GRIP2: variants seen among roughly 807,000 people sequenced by gnomAD.
GRIP2 encodes the protein glutamate receptor interacting protein 2, also known as glutamate receptor-interacting protein 2.
A neutral mutation model predicts 108.3 loss-of-function variants in GRIP2; 58 were observed. That is an observed-to-expected ratio of 0.54 (90% CI 0.43 to 0.67). The LOEUF (loss-of-function observed/expected upper bound fraction) is 0.67. GRIP2 is among the 30% of genes least tolerant of loss of function. The probability of loss-of-function intolerance (pLI) is 0.00; values close to 1 mark genes in which losing one functional copy is unlikely to be tolerated. For missense variants in GRIP2, 1,278 were observed against 1,430.6 expected (o/e 0.89, Z 1.72); for synonymous variants, 586 against 598.2 (o/e 0.98, Z 0.30).
At chr3:14,516,952 C>G (rs111893013) in intron 11 of GRIP2, 112 bp downstream of exon 11, 2 of 1,049,434 alleles carry the variant, frequency 1.9e-6, no homozygotes, top group South Asian at 2.6e-5. Flanking sequence ...CCCACGCATA[C>G]ACCTGGAGCT....
Position 14,505,381 on chromosome 3 carries a change from G to A in GRIP2, c.2573+234C>T, listed in dbSNP as rs1054551227. 6.6e-6 allele frequency among the ~76,000 whole-genome samples: 1 copy of A among 152,094 alleles called. No individual in the cohort carries two copies. Among genetic ancestry groups the A allele is most frequent in the African/African-American group, 2.4e-5 (1 of 41,396 alleles). ...GACCAAAGTTGGGAAGGGCAAACCA[G>A]GCTGCTCTCCACCTCTATACCTTCG... is the stretch of plus-strand genomic sequence containing the variant. On this transcript the variant is annotated intron_variant, in intron 20 of 23. Transcript: ENST00000621039. The surrounding 1 kb of genome is among the most constrained non-coding windows in gnomAD (Gnocchi z 4.2).
At chr3:14,526,519 G>A (rs941630111) in intron 1 of GRIP2, among the ~76,000 whole-genome samples, 15 of 152,166 alleles carry the variant, frequency 9.9e-5, no homozygotes, top group Non-Finnish European at 1.6e-4. Context: ...ATTCTCAGGC[G>A]TTCTAGGCAG....
rs1367953453 is a variant in GRIP2, at chr3:14,496,422, G to A, written c.2818C>T (p.His940Tyr). The A allele has an allele frequency of 6.2e-7, 1 of 1,609,934 alleles. No homozygotes were observed. Among genetic ancestry groups the A allele is most frequent in the Non-Finnish European group, 8.5e-7 (1 of 1,177,758 alleles). Residue 940 changes from histidine to tyrosine, a missense_variant, in exon 22 of 24, where the codon CAC (histidine) becomes TAC (tyrosine). By Grantham distance (83) the His-to-Tyr change is moderately conservative (BLOSUM62 2). Transcript: ENST00000621039. Reference protein sequence around the residue: ...ELLLPTPLEMHKVTLHKDPMR... With the variant: ...ELLLPTPLEMYKVTLHKDPMR... ...TGCTCACCCCCTGTGCCTACCTTGT[G>A]CATCTCCAAGGGTGTAGGCAGCAAC... is the stretch of plus-strand genomic sequence containing the variant.
At chr3:14,504,948 G>A (rs2124863874) in intron 20 of GRIP2, among the ~76,000 whole-genome samples, 1 of 152,342 alleles carries the variant, frequency 6.6e-6, no homozygotes, top group Middle Eastern at 3.4e-3. Context: ...AAGGTGTTTA[G>A]GCTACCAGGA....
At chr3:14,574,390 C>G in the GRIP2 span, 6 of 826,520 alleles carry the variant, frequency 7.3e-6, no homozygotes, top group African/African-American at 1.7e-5. Context: ...CTCACCATCT[C>G]CTGTCGGAGC....
At chr3:14,534,794 A>T (rs111652580) in intron 1 of GRIP2, among the ~76,000 whole-genome samples, 162 of 152,252 alleles carry the variant, frequency 1.1e-3, no homozygotes, top group African/African-American at 3.8e-3. Flanking sequence ...TCTTGAAATC[A>T]TGGCTAATTT....
chr3:14,584,837 G>C, the GRIP2 span, among the ~76,000 whole-genome samples: 1 of 152,202 alleles, frequency 6.6e-6, no homozygotes, highest in Non-Finnish European at 1.5e-5. Flanking sequence ...GCAGCCCATA[G>C]ACCCTGCCTC....
intron 1 of GRIP2, among the ~76,000 whole-genome samples, chr3:14,526,609 T>A (rs1694560515): frequency 6.6e-6 from 1 of 152,176 alleles, no homozygotes; most frequent in Non-Finnish European, 1.5e-5. Flanking sequence ...TTCCAACAGC[T>A]CTCTCTCTTT....
At chr3:14,597,424 G>A in the GRIP2 span, among the ~76,000 whole-genome samples, 1 of 152,214 alleles carries the variant, frequency 6.6e-6, no homozygotes, top group Non-Finnish European at 1.5e-5. Context: ...CCAAGAATGC[G>A]AGGGGGAATT....
At chr3:14,535,902 G>C (rs894591581) in intron 1 of GRIP2, among the ~76,000 whole-genome samples, 1 of 152,184 alleles carries the variant, frequency 6.6e-6, no homozygotes, top group African/African-American at 2.4e-5. Context: ...GTTCCTCCCT[G>C]GCCACTGAGG....
At chr3:14,551,913 G>A (rs1695156260) in intron 1 of GRIP2, among the ~76,000 whole-genome samples, 1 of 152,140 alleles carries the variant, frequency 6.6e-6, no homozygotes, top group Admixed American at 6.5e-5. Context: ...CAGGCCTGTT[G>A]CAAGGGTGAG....
chr3:14,551,675 A>G (rs1695151587), intron 1 of GRIP2, among the ~76,000 whole-genome samples: 1 of 152,168 alleles, frequency 6.6e-6, no homozygotes, highest in Non-Finnish European at 1.5e-5. Flanking sequence ...AGCAGTGGCC[A>G]CATGTTGGGA....
upstream of GRIP2, among the ~76,000 whole-genome samples, chr3:14,545,179 G>A (rs1695039229): frequency 6.6e-6 from 1 of 152,246 alleles, no homozygotes; most frequent in Non-Finnish European, 1.5e-5. Context: ...AATCGGAGCA[G>A]AGACTCCACG....
rs146509076 is a variant in GRIP2 at position 14,517,494 on chromosome 3, C to CTTTTTTTTTTTTTTTTTT, written c.1156+260_1156+277dup. Among the ~76,000 whole-genome samples, 4 of 107,754 alleles carry CTTTTTTTTTTTTTTTTTT rather than the reference C, an allele frequency of 3.7e-5. 2 individuals are homozygous for CTTTTTTTTTTTTTTTTTT. The highest frequency in any genetic ancestry group is 3.6e-5 in the Non-Finnish European group (2 of 55,730). 70.7% of individuals were successfully genotyped at this position (107,754 alleles called of 152,430 possible). ...GAGGCAGGCCACCTAATCTCTCTCT[C>CTTTTTTTTTTTTTTTTTT]TTTTTTTTTTTTTTTTTTTTTTTTT... On this transcript the variant is annotated intron_variant, in intron 10 of 23. Coordinates refer to ENST00000621039, the MANE Select transcript of GRIP2 (RefSeq NM_001080423.4).
chr3:14,525,956 C>A, intron 1 of GRIP2, 25 bp from the exon 2 acceptor site: 1 of 1,544,482 alleles, frequency 6.5e-7, no homozygotes, highest in Non-Finnish European at 8.8e-7. Context: ...GAGGGAAAGG[C>A]CGAGTTCCAC....
intron 13 of GRIP2, among the ~76,000 whole-genome samples, chr3:14,513,446 C>A (rs1694155880): frequency 1.3e-5 from 2 of 152,342 alleles, no homozygotes; most frequent in South Asian, 4.1e-4. Flanking sequence ...CAACCCCATC[C>A]CCACTTGGTC....
At chr3:14,502,031 TAA>T (rs1478944209) in intron 21 of GRIP2, among the ~76,000 whole-genome samples, 7 of 152,172 alleles carry the variant, frequency 4.6e-5, no homozygotes, top group African/African-American at 1.7e-4. Context: ...ATACTAGAAT[TAA>T]GTTTAATTAT....
At chr3:14,551,747 C>T (rs1298767126) in intron 1 of GRIP2, among the ~76,000 whole-genome samples, 3 of 152,174 alleles carry the variant, frequency 2.0e-5, no homozygotes, top group Non-Finnish European at 4.4e-5. Context: ...CGTGAAGGAA[C>T]GCCCCCGGGG....
intron 11 of GRIP2, among the ~76,000 whole-genome samples, chr3:14,515,589 A>G (rs985507328): frequency 6.6e-6 from 1 of 152,024 alleles, no homozygotes; most frequent in Non-Finnish European, 1.5e-5. Context: ...TATACATTAC[A>G]AAATGTGTAA....
Sources: allele counts gnomAD v4.1 joint callset (sites outside exome capture counted in the v4.1 genomes callset), GRCh38; gene constraint gnomAD v4.1.1; non-coding constraint Gnocchi (gnomAD v3.1); transcripts MANE v1.5; gene names NCBI Gene and HGNC (gene_info 2026-07-23, HGNC 2026-07-21).